The following COL4A2 variants were observed in gnomAD, a reference collection of about 807,000 sequenced individuals.
COL4A2 encodes the protein collagen alpha-2(IV) chain.
A neutral mutation model predicts 200.2 loss-of-function variants in COL4A2; 99 were observed. The ratio of observed to expected loss-of-function variants is 0.49; its 90% CI spans 0.42 to 0.58. The LOEUF (loss-of-function observed/expected upper bound fraction) is 0.58. COL4A2 is among the 20% of genes least tolerant of loss of function. The pLI, the probability that COL4A2 is intolerant of heterozygous loss-of-function variation, is 0.00. For missense variants in COL4A2, 1,950 were observed against 2,314.1 expected, an observed-to-expected ratio of 0.84 and a Z score of 3.23; for synonymous variants, 897 against 900.6, an observed-to-expected ratio of 1.00 and a Z score of 0.07.
At chr13:110,486,632 C>T (rs1025765323) in intron 34 of COL4A2, among the ~76,000 whole-genome samples, 1 of 152,120 alleles carries the variant, frequency 6.6e-6, no homozygotes. Context: ...ACCAAACAGG[C>T]TTTGTGTGAG....
intron 4 of COL4A2, among the ~76,000 whole-genome samples, chr13:110,372,834 G>A (rs750256725): frequency 1.3e-5 from 2 of 152,164 alleles, no homozygotes; most frequent in African/African-American, 4.8e-5. Flanking sequence ...AGGTTTTGTT[G>A]TTTGTCTTTT....
intron 11 of COL4A2, 72 bp from the exon 12 acceptor site, chr13:110,434,329 C>A: frequency 2.0e-6 from 3 of 1,482,294 alleles, no homozygotes; most frequent in Middle Eastern, 1.8e-4. Context: ...GTTTCTTTTT[C>A]TAAGAAAAAT....
chr13:110,493,217 C>T lies in COL4A2; in HGVS notation c.3569C>T (p.Pro1190Leu), dbSNP rs199782906. The change falls in exon 39 of 48, where the codon CCG (proline) becomes CTG (leucine). Residue 1190 changes from proline to leucine, a missense_variant. This residue lies in a region of COL4A2 where 1,385 missense variants were observed against 1,720.5 expected (regional missense o/e 0.80). Coordinates refer to ENST00000360467, the MANE Select transcript of COL4A2 (RefSeq NM_001846.4). ...WPGAPGLPGF[P>L]GLRGIRGLHG... ...ATGAGTGACACCCCCGCAGGTTTTC[C>T]GGGACTCCGTGGGATCCGCGGCTTA... The T allele has an allele frequency of 8.3e-5, 134 of 1,614,060 alleles. 1 individual carries two copies. In the African/African-American group the frequency reaches 1.4e-3, roughly 17 times the overall value.
At chr13:110,373,687 G>T (rs763040332) in intron 4 of COL4A2, among the ~76,000 whole-genome samples, 1 of 152,198 alleles carries the variant, frequency 6.6e-6, no homozygotes, top group Non-Finnish European at 1.5e-5. Context: ...AAGCCGCAGG[G>T]TGTGAGGACG....
intron 8 of COL4A2, 30 bp downstream of exon 8, chr13:110,429,986 G>T (rs1457409423): frequency 6.4e-7 from 1 of 1,552,740 alleles, no homozygotes; most frequent in Non-Finnish European, 8.7e-7. Flanking sequence ...GAGGGGTAAT[G>T]AAGGGACCCA....
At chr13:110,505,610 C>A (rs1256419233) in intron 45 of COL4A2, among the ~76,000 whole-genome samples, 2 of 152,118 alleles carry the variant, frequency 1.3e-5, no homozygotes, top group African/African-American at 4.8e-5. Context: ...GAGAAAGGGT[C>A]ACTGGGGATA....
chr13:110,374,753 C>T (rs1178854391), intron 4 of COL4A2, among the ~76,000 whole-genome samples: 1 of 152,200 alleles, frequency 6.6e-6, no homozygotes, highest in African/African-American at 2.4e-5. Flanking sequence ...TCCCACTCTC[C>T]TGCTCTGTCC....
intron 4 of COL4A2, among the ~76,000 whole-genome samples, chr13:110,378,286 C>T (rs1364314810): frequency 6.6e-6 from 1 of 152,130 alleles, no homozygotes; most frequent in African/African-American, 2.4e-5. Flanking sequence ...AAATAAAACT[C>T]AGATGTAAGG....
At chr13:110,361,818 A>T (rs9555691) in intron 4 of COL4A2, among the ~76,000 whole-genome samples, 1 of 152,052 alleles carries the variant, frequency 6.6e-6, no homozygotes, top group Non-Finnish European at 1.5e-5. Flanking sequence ...GGAGCTGTGT[A>T]CCGGCTGCTT....
chr13:110,370,593 C>G (rs532447354), intron 4 of COL4A2, among the ~76,000 whole-genome samples: 1 of 152,240 alleles, frequency 6.6e-6, no homozygotes, highest in East Asian at 1.9e-4. Flanking sequence ...TGTTGTTTTT[C>G]TGCTTCTTCA....
At chr13:110,453,253 C>A (rs762357472) in intron 20 of COL4A2, among the ~76,000 whole-genome samples, 1 of 152,068 alleles carries the variant, frequency 6.6e-6, no homozygotes, top group South Asian at 2.1e-4. Context: ...GTAATCCCAG[C>A]GCTTTGGGAA....
At chr13:110,342,536 C>T (rs1168899900) in intron 3 of COL4A2, among the ~76,000 whole-genome samples, 1 of 152,190 alleles carries the variant, frequency 6.6e-6, no homozygotes, top group Non-Finnish European at 1.5e-5. Flanking sequence ...ATGCTGGGTA[C>T]TTCCTGCCGG....
At position 110,438,742 on chromosome 13, in the gene COL4A2, T is replaced by A. The variant is rs530759363; in HGVS notation, c.912+74T>A. On this transcript the variant is annotated intron_variant, in intron 15 of 47. Transcript: ENST00000360467. Reference sequence around the variant, plus strand: ...TTCAGTAGGCTTTCCTTTTTAGAGCTGTTTCAGATTCACAGCAAAATTTAG... The same window carrying A: ...TTCAGTAGGCTTTCCTTTTTAGAGCAGTTTCAGATTCACAGCAAAATTTAG... The A allele has an allele frequency of 6.5e-5, 104 of 1,593,556 alleles. No individual in the cohort carries two copies. In the African/African-American group the frequency reaches 1.2e-3, roughly 19 times the overall value.
rs1699931872 is a variant in COL4A2, at chr13:110,465,564, TTCCTGGGCCC to T, written c.1943_1952del (p.Gly648AlafsTer9). ...CGCCGGCTTACCTGGACCACCAGGC[TTCCTGGGCCC>T]TCCTGGCCCCGCAGGGACCCCAGGA... On this transcript the variant is annotated frameshift_variant, in exon 25 of 48. Transcript: ENST00000360467. LOFTEE classifies it high-confidence loss of function. 6.2e-7 allele frequency: 1 copy of T among 1,613,764 alleles called. No individual in the cohort carries two copies. The highest frequency in any genetic ancestry group is 8.5e-7 in the Non-Finnish European group (1 of 1,179,948).
At chr13:110,314,219 ACT>A (rs767507502) in intron 3 of COL4A2, among the ~76,000 whole-genome samples, 31 of 152,230 alleles carry the variant, frequency 2.0e-4, no homozygotes, top group Admixed American at 7.8e-4. Flanking sequence ...GTATACAGGG[ACT>A]CTCTGTACTA....
chr13:110,483,578 TC>T (rs1883007326), intron 32 of COL4A2, among the ~76,000 whole-genome samples: 1 of 152,272 alleles, frequency 6.6e-6, no homozygotes, highest in South Asian at 2.1e-4. Context: ...GATGGGGCTC[TC>T]AGACATGGCG....
intron 3 of COL4A2, among the ~76,000 whole-genome samples, chr13:110,310,008 CA>C (rs376573727): frequency 0.013 from 1,946 of 152,016 alleles, 49 homozygotes; most frequent in African/African-American, 0.043. Context: ...AACAAACAAA[CA>C]AAAAAAACCT....
rs761530105 is a variant in COL4A2, at chr13:110,503,884, A to G, written c.4176A>G (p.Gly1392=). The G allele has an allele frequency of 8.1e-6, 13 of 1,613,600 alleles. No individual in the cohort carries two copies. The highest frequency in any genetic ancestry group is 3.3e-5 in the Admixed American group (2 of 59,954). Residue 1392 remains glycine, a synonymous_variant, in exon 44 of 48, where the codon GGA becomes GGG. Coordinates refer to ENST00000360467, the MANE Select transcript of COL4A2 (RefSeq NM_001846.4). ...PGTVGAPGIA[G]IPQKIAVQPG... is the part of the protein sequence containing the mutation. ...CTGTGGGAGCCCCCGGGATTGCAGGAATCCCCCAGAAGATTGCCGTCCAAC... is the reference window on the plus strand; with the variant it reads ...CTGTGGGAGCCCCCGGGATTGCAGGGATCCCCCAGAAGATTGCCGTCCAAC...
At chr13:110,506,760 A>G (rs536321640) in intron 46 of COL4A2, among the ~76,000 whole-genome samples, 154 bp downstream of exon 46, 2 of 152,350 alleles carry the variant, frequency 1.3e-5, no homozygotes, top group African/African-American at 4.8e-5. Flanking sequence ...CAGAAAGATT[A>G]AAACGGCCTT....
Sources: allele counts gnomAD v4.1 joint callset (sites outside exome capture counted in the v4.1 genomes callset), GRCh38; gene constraint gnomAD v4.1.1; regional missense constraint gnomAD v4.1.1; transcripts MANE v1.5; gene names NCBI Gene and HGNC (gene_info 2026-07-23, HGNC 2026-07-21).